CDYL2: variants seen among roughly 807,000 people sequenced by gnomAD.
CDYL2 encodes the protein chromodomain Y like 2.
A neutral mutation model predicts 49.4 loss-of-function variants in CDYL2; 23 were observed. That is an observed-to-expected ratio of 0.47 (90% CI 0.34 to 0.66). CDYL2 has a LOEUF of 0.66. CDYL2 is among the 30% of genes least tolerant of loss of function. CDYL2 has a pLI of 0.01. For synonymous variants in CDYL2, 360 were observed against 268.8 expected (o/e 1.34, Z -3.32); for missense variants, 678 against 656.4 (o/e 1.03, Z -0.36).
At chr16:80,724,577 T>A (rs1283057485) in intron 1 of CDYL2, among the ~76,000 whole-genome samples, 1 of 152,218 alleles carries the variant, frequency 6.6e-6, no homozygotes, top group Non-Finnish European at 1.5e-5. Context: ...ATGTGGCACT[T>A]CATGACCTGG....
At chr16:80,604,839 C>T (rs1485899854) in intron 6 of CDYL2, among the ~76,000 whole-genome samples, 1 of 152,178 alleles carries the variant, frequency 6.6e-6, no homozygotes, top group African/African-American at 2.4e-5. Context: ...GAGTCCTTTT[C>T]TATAGGTGTC....
intron 2 of CDYL2, among the ~76,000 whole-genome samples, chr16:80,654,548 A>C (rs903488190): frequency 2.0e-5 from 3 of 152,170 alleles, no homozygotes; most frequent in Non-Finnish European, 4.4e-5. Flanking sequence ...TGGCACCTAG[A>C]AGCCTACAGG....
At chr16:80,656,153 C>T (rs1385376065) in intron 2 of CDYL2, among the ~76,000 whole-genome samples, 1 of 152,214 alleles carries the variant, frequency 6.6e-6, no homozygotes, top group Non-Finnish European at 1.5e-5. Context: ...GTTTTGAACT[C>T]AATCAATTAA....
intron 2 of CDYL2, among the ~76,000 whole-genome samples, chr16:80,684,180 T>C (rs1243439180): frequency 1.3e-5 from 2 of 152,218 alleles, no homozygotes; most frequent in Non-Finnish European, 2.9e-5. Flanking sequence ...ACTGGCCCGC[T>C]GAGGACACGT....
intron 1 of CDYL2, among the ~76,000 whole-genome samples, chr16:80,688,398 C>T (rs890206079): frequency 1.3e-5 from 2 of 151,918 alleles, no homozygotes; most frequent in East Asian, 3.9e-4. Flanking sequence ...CTTGGTGTCC[C>T]CATCGGTAAA....
intron 3 of CDYL2, among the ~76,000 whole-genome samples, chr16:80,630,172 G>A (rs562406657): frequency 6.6e-6 from 1 of 152,180 alleles, no homozygotes; most frequent in Non-Finnish European, 1.5e-5. Flanking sequence ...CCCTTCAGTT[G>A]TTGAGACAGC....
intron 1 of CDYL2, among the ~76,000 whole-genome samples, chr16:80,720,805 C>T (rs1904972683): frequency 6.6e-6 from 1 of 152,166 alleles, no homozygotes. Flanking sequence ...CCTGCTACCA[C>T]TTGTAATGTT....
chr16:80,756,574 G>A (rs1399135599), intron 1 of CDYL2, among the ~76,000 whole-genome samples: 4 of 151,928 alleles, frequency 2.6e-5, no homozygotes, highest in African/African-American at 9.7e-5. Flanking sequence ...AATTTGAAAA[G>A]GCTGTTAAGA....
chr16:80,672,671 C>T (rs1909578694), intron 2 of CDYL2, among the ~76,000 whole-genome samples: 1 of 152,140 alleles, frequency 6.6e-6, no homozygotes, highest in East Asian at 1.9e-4. Flanking sequence ...TTGTTACCAT[C>T]TGGAGGCTGC....
At chr16:80,793,228 C>T (rs967840111) in intron 1 of CDYL2, among the ~76,000 whole-genome samples, 1 of 152,172 alleles carries the variant, frequency 6.6e-6, no homozygotes, top group Admixed American at 6.5e-5. Context: ...CAAATGCAAA[C>T]CACAGGGCGG....
In CDYL2 at chr16:80,677,965, C is replaced by A. The variant is rs536908507; in HGVS notation, c.616+6573G>T. Among the ~76,000 whole-genome samples the A allele has an allele frequency of 3.7e-3, 562 of 151,854 alleles. 4 individuals carry two copies. The highest frequency in any genetic ancestry group is 0.013 in the African/African-American group (535 of 41,456). On this transcript the variant is annotated intron_variant, in intron 2 of 6. Coordinates refer to ENST00000570137, the MANE Select transcript of CDYL2 (RefSeq NM_152342.4). Reference sequence around the variant, plus strand: ...CCTCAGAAATAACGTTGCATATCTACAACTATCTGATCTTTGACAAACCTG... The same window carrying A: ...CCTCAGAAATAACGTTGCATATCTAAAACTATCTGATCTTTGACAAACCTG...
chr16:80,782,942 C>T (rs746866241), intron 1 of CDYL2, among the ~76,000 whole-genome samples: 2 of 152,060 alleles, frequency 1.3e-5, no homozygotes, highest in Non-Finnish European at 2.9e-5. Context: ...AGGAATAAGA[C>T]AATGATGACC....
At chr16:80,641,775 A>T (rs1349116958) in intron 2 of CDYL2, among the ~76,000 whole-genome samples, 1 of 150,496 alleles carries the variant, frequency 6.6e-6, no homozygotes, top group Non-Finnish European at 1.5e-5. Context: ...GAGGGATAGC[A>T]TTAGGAGATA....
chr16:80,695,695 A>T (rs1910590013), intron 1 of CDYL2, among the ~76,000 whole-genome samples: 1 of 152,250 alleles, frequency 6.6e-6, no homozygotes, highest in Non-Finnish European at 1.5e-5. Flanking sequence ...CAATTCAGCA[A>T]AAGGAAATTA....
intron 1 of CDYL2, among the ~76,000 whole-genome samples, chr16:80,708,035 G>A (rs879397236): frequency 2.0e-5 from 3 of 152,120 alleles, no homozygotes; most frequent in Non-Finnish European, 4.4e-5. Context: ...TTTAGGGGTG[G>A]GGCAAAGATG....
chr16:80,731,624 C>T (rs929267167), intron 1 of CDYL2, among the ~76,000 whole-genome samples: 6 of 152,014 alleles, frequency 3.9e-5, no homozygotes, highest in Non-Finnish European at 2.9e-5. Context: ...AGTGGAAGAA[C>T]CAGGAATCAG....
intron 1 of CDYL2, among the ~76,000 whole-genome samples, chr16:80,785,687 G>T (rs55923183): frequency 0.049 from 7,403 of 152,176 alleles, 278 homozygotes; most frequent in African/African-American, 0.094. Flanking sequence ...AAAGCTGGAG[G>T]CATCATGCTA....
At chr16:80,659,809 T>C (rs1908968592) in intron 2 of CDYL2, among the ~76,000 whole-genome samples, 1 of 152,042 alleles carries the variant, frequency 6.6e-6, no homozygotes, top group Non-Finnish European at 1.5e-5. Flanking sequence ...GGGATAACTC[T>C]AAGAAAAGAA....
At chr16:80,607,423 C>CTCTG (rs1906388669) in intron 6 of CDYL2, among the ~76,000 whole-genome samples, 1 of 152,176 alleles carries the variant, frequency 6.6e-6, no homozygotes, top group Non-Finnish European at 1.5e-5. Flanking sequence ...GTTTCTCAAG[C>CTCTG]ACAGAGCGAG....
Sources: allele counts gnomAD v4.1 joint callset (sites outside exome capture counted in the v4.1 genomes callset), GRCh38; gene constraint gnomAD v4.1.1; transcripts MANE v1.5; gene names NCBI Gene and HGNC (gene_info 2026-07-23, HGNC 2026-07-21).